TTC17: variants seen among roughly 807,000 people sequenced by gnomAD.
The protein encoded by TTC17 is tetratricopeptide repeat domain 17.
Under a neutral mutation model 143.8 loss-of-function variants are expected in TTC17, and 58 were observed. The observed-to-expected ratio is 0.40, with a 90% CI of 0.33 to 0.50. The LOEUF is 0.50. Ranked by LOEUF, TTC17 falls within the 20% of genes least tolerant of loss-of-function variation. The probability of loss-of-function intolerance (pLI) is 0.49; values close to 1 mark genes in which losing one functional copy is unlikely to be tolerated. For synonymous variants in TTC17, 501 were observed against 497.8 expected (o/e 1.01, Z -0.09); for missense variants, 1,273 against 1,392.5 (o/e 0.91, Z 1.37).
At chr11:43,459,498 A>G (rs968353373) in intron 21 of TTC17, among the ~76,000 whole-genome samples, 1 of 152,160 alleles carries the variant, frequency 6.6e-6, no homozygotes, top group Non-Finnish European at 1.5e-5. Context: ...AGCTTTGTGG[A>G]CTTTCAAATT....
At chr11:43,479,727 G>T (rs1948251205) in intron 21 of TTC17, among the ~76,000 whole-genome samples, 1 of 152,190 alleles carries the variant, frequency 6.6e-6, no homozygotes. Context: ...GTAGAGGGCT[G>T]AAAGAGAAAA....
rs1265641319 is a variant in TTC17, at chr11:43,359,315, C to T, written c.159+202C>T. On this transcript the variant is annotated intron_variant, in intron 1 of 23. Coordinates refer to ENST00000039989, the MANE Select transcript of TTC17 (RefSeq NM_018259.6). ...CACTTGTCTCCTGGTCCTCGTTTGG[C>T]CCCCTAGAAGTTCTCACCCTTCCAC... The T allele has an allele frequency of 3.0e-5, 20 of 664,344 alleles. No individual in the cohort carries two copies. The East Asian group carries it at 3.5e-4, about 12-fold the overall frequency. 41.2% of individuals were successfully genotyped at this position (664,344 alleles called of 1,614,324 possible).
chr11:43,443,254 G>T, intron 16 of TTC17, 71 bp from the exon 17 acceptor site: 1 of 1,558,728 alleles, frequency 6.4e-7, no homozygotes, highest in East Asian at 2.3e-5. Context: ...CCAAAAGCAG[G>T]GTTGGAGTCA....
intron 18 of TTC17, chr11:43,444,646 C>T (rs187471626): frequency 6.5e-6 from 1 of 153,680 alleles, no homozygotes; most frequent in Admixed American, 6.5e-5. Flanking sequence ...ATTTAAAGAG[C>T]ACCTACAAAT....
chr11:43,423,009 T>G (rs1946942859), intron 16 of TTC17, among the ~76,000 whole-genome samples: 2 of 152,174 alleles, frequency 1.3e-5, no homozygotes, highest in African/African-American at 2.4e-5. Context: ...GCAGAATTCT[T>G]GAGTAGACAG....
chr11:43,458,783 G>A (rs143667672), intron 21 of TTC17, among the ~76,000 whole-genome samples: 96 of 152,204 alleles, frequency 6.3e-4, no homozygotes, highest in Non-Finnish European at 8.5e-4. Flanking sequence ...AAATAGATGA[G>A]TACAGTATTA....
chr11:43,460,781 G>C (rs1267607872), intron 21 of TTC17, among the ~76,000 whole-genome samples: 1 of 152,170 alleles, frequency 6.6e-6, no homozygotes, highest in Non-Finnish European at 1.5e-5. Flanking sequence ...GGCTGCATTA[G>C]CTCTGGCACA....
intron 10 of TTC17, among the ~76,000 whole-genome samples, chr11:43,403,379 C>T (rs1022762712): frequency 2.0e-5 from 3 of 152,132 alleles, no homozygotes; most frequent in Admixed American, 1.3e-4. Context: ...ATCCCATCCC[C>T]AGTCCCATTC....
chr11:43,486,424 C>T (rs147905734), intron 21 of TTC17: 24 of 452,420 alleles, frequency 5.3e-5, no homozygotes, highest in African/African-American at 2.6e-4. Flanking sequence ...AGGCATCCAC[C>T]GCGGGTCTTG....
intron 21 of TTC17, among the ~76,000 whole-genome samples, chr11:43,480,685 A>G (rs550336110): frequency 9.8e-5 from 15 of 152,300 alleles, no homozygotes; most frequent in Admixed American, 9.1e-4. Flanking sequence ...TATATTTAAG[A>G]GTGGGATGAT....
chr11:43,473,428 ATG>A (rs1948127334), intron 21 of TTC17, among the ~76,000 whole-genome samples: 1 of 152,234 alleles, frequency 6.6e-6, no homozygotes, highest in Non-Finnish European at 1.5e-5. Flanking sequence ...TCAGTGATCT[ATG>A]CTTCTATCTC....
At chr11:43,360,092 T>G (rs1031247773) in intron 1 of TTC17, among the ~76,000 whole-genome samples, 2 of 152,210 alleles carry the variant, frequency 1.3e-5, no homozygotes, top group Non-Finnish European at 1.5e-5. Flanking sequence ...TTAACTAGTG[T>G]GGTGGGAAAT....
chr11:43,414,921 AATTCCT>A lies in TTC17; in HGVS notation c.2251+146_2251+151del, dbSNP rs1482610773. 6.9e-5 allele frequency: 59 copies of A among 850,050 alleles called. No homozygotes were observed. In the African/African-American group the frequency reaches 9.8e-4, roughly 14 times the overall value. The allele number at this position is 850,050 out of a possible 1,614,324, so 52.7% of individuals were successfully genotyped here. On this transcript the variant is annotated intron_variant, in intron 16 of 23. Transcript: ENST00000039989. Reference sequence around the variant, plus strand: ...TTCCAGATGCATAGGAAAAGATGTTAATTCCTTACTTACTATAGATGCCTTAGGGTA... The same window carrying A: ...TTCCAGATGCATAGGAAAAGATGTTATACTTACTATAGATGCCTTAGGGTA...
At chr11:43,453,261 T>C (rs1377051438) in intron 21 of TTC17, among the ~76,000 whole-genome samples, 1 of 152,180 alleles carries the variant, frequency 6.6e-6, no homozygotes, top group Non-Finnish European at 1.5e-5. Context: ...ATTTGAGTCT[T>C]ATTCTATTTC....
chr11:43,362,632 T>C (rs1176314956), intron 1 of TTC17, among the ~76,000 whole-genome samples: 1 of 152,170 alleles, frequency 6.6e-6, no homozygotes, highest in Admixed American at 6.5e-5. Context: ...CTTTTAGAGA[T>C]GGGGGTCTTT....
intron 1 of TTC17, among the ~76,000 whole-genome samples, chr11:43,372,110 C>CT (rs1856588820): frequency 6.6e-6 from 1 of 152,144 alleles, no homozygotes; most frequent in African/African-American, 2.4e-5. Flanking sequence ...TATATTCACC[C>CT]TTTTTTCTGC....
In TTC17 at chr11:43,389,796, A is replaced by G. The variant is rs1239914785; in HGVS notation, c.394A>G (p.Ile132Val). Residue 132 changes from isoleucine to valine, a missense_variant, in exon 3 of 24, where the codon ATA becomes GTA. Transcript: ENST00000039989. ...CCTGGATCTATATGATGGCACATAC[A>G]TAACTTTGGAGAGCAAAGACATCAG... The part of the protein sequence containing the change: ...GDLDLYDGTY[I>V]TLESKDISPE... The G allele has an allele frequency of 5.0e-6, 8 of 1,609,416 alleles. No individual in the cohort carries two copies. The highest frequency in any genetic ancestry group is 1.3e-5 in the African/African-American group (1 of 74,766).
chr11:43,405,542 G>C lies in TTC17; in HGVS notation c.1508G>C (p.Arg503Thr), dbSNP rs1590366992. ...AAACAGCATATTCTATGGCCTAAAA[G>C]AGCAGATTGTACAGAAAGCTACCCT... ...RDKQHILWPK[R>T]ADCTESYPRV... is the part of the protein sequence containing the mutation. The change falls in exon 12 of 24, where the codon AGA becomes ACA. Residue 503 changes from arginine to threonine, a missense_variant. By Grantham distance (71) the Arg-to-Thr change is moderately conservative (BLOSUM62 -1). Coordinates refer to ENST00000039989, the MANE Select transcript of TTC17 (RefSeq NM_018259.6). 1 of 1,613,920 alleles carries C rather than the reference G, an allele frequency of 6.2e-7. No homozygotes were observed. The highest frequency in any genetic ancestry group is 8.5e-7 in the Non-Finnish European group (1 of 1,179,838).
intron 1 of TTC17, among the ~76,000 whole-genome samples, chr11:43,375,682 A>AC (rs1565132288): frequency 6.6e-6 from 1 of 152,114 alleles, no homozygotes; most frequent in East Asian, 1.9e-4. Flanking sequence ...GTATATATGA[A>AC]GAATAAGTTG....
Sources: gnomAD v4.1 joint callset for allele counts (sites outside exome capture counted in the v4.1 genomes callset) on GRCh38, gnomAD v4.1.1 for gene constraint, MANE v1.5 for transcripts, NCBI Gene and HGNC (gene_info 2026-07-23, HGNC 2026-07-21) for gene names.